ARHGEF7: variants seen among roughly 807,000 people sequenced by gnomAD.
ARHGEF7 encodes the protein Rho guanine nucleotide exchange factor 7, also known as PAK-interacting exchange factor beta.
A neutral mutation model predicts 109.8 loss-of-function variants in ARHGEF7; 33 were observed. That is an observed-to-expected ratio of 0.30 (90% confidence interval 0.23 to 0.40). The LOEUF (loss-of-function observed/expected upper bound fraction) is 0.40, where lower values mean the gene tolerates loss of function less well. Ranked by LOEUF, ARHGEF7 falls within the 10% of genes least tolerant of loss-of-function variation. The probability of loss-of-function intolerance (pLI) is 1.00; values close to 1 mark genes in which losing one functional copy is unlikely to be tolerated. For synonymous variants in ARHGEF7, 458 were observed against 424.6 expected (o/e 1.08, Z -0.97); for missense variants, 938 against 1,098.5 (o/e 0.85, Z 2.07).
rs924688701 is a variant in ARHGEF7 at position 111,217,747 on chromosome 13, G to A, written c.537G>A (p.Glu179=). ...AGTTTAACTTCCAGCAGACCAATGA[G>A]GACGAGCTTTCCTTCTCAAAAGGAG... ...RAKFNFQQTN[E]DELSFSKGDV... Residue 179 remains glutamate, a synonymous_variant, in exon 5 of 22, where the codon GAG becomes GAA. Coordinates refer to ENST00000646102, the MANE Select transcript of ARHGEF7 (RefSeq NM_001354046.2). 4 of 1,614,124 alleles carry A rather than the reference G, an allele frequency of 2.5e-6. No individual in the cohort carries two copies. Among genetic ancestry groups the A allele is most frequent in the Non-Finnish European group, 2.5e-6 (3 of 1,180,052 alleles).
intron 19 of ARHGEF7, 170 bp downstream of exon 19, chr13:111,292,464 T>C: frequency 6.9e-7 from 1 of 1,443,626 alleles, no homozygotes; most frequent in South Asian, 1.5e-5. Flanking sequence ...ATATTTCCCA[T>C]TGTACTTTGT....
intron 6 of ARHGEF7, among the ~76,000 whole-genome samples, chr13:111,236,380 T>G (rs182228154): frequency 5.9e-5 from 9 of 152,300 alleles, no homozygotes; most frequent in Non-Finnish European, 1.3e-4. Flanking sequence ...GTGTGTGTGG[T>G]CACACTTTCT....
At chr13:111,159,794 T>C (rs901055407) in intron 2 of ARHGEF7, among the ~76,000 whole-genome samples, 1 of 152,234 alleles carries the variant, frequency 6.6e-6, no homozygotes, top group African/African-American at 2.4e-5. Context: ...TTGCAAATAC[T>C]TTCTTTCCGT....
intron 2 of ARHGEF7, among the ~76,000 whole-genome samples, chr13:111,155,813 C>T (rs1448919125): frequency 3.3e-5 from 5 of 152,166 alleles, no homozygotes; most frequent in African/African-American, 4.8e-5. Flanking sequence ...TGGTGGCTCA[C>T]GCCTGTAATC....
intron 18 of ARHGEF7, 55 bp from the exon 19 acceptor site, chr13:111,292,063 G>T: frequency 4.7e-6 from 7 of 1,482,126 alleles, no homozygotes; most frequent in South Asian, 1.2e-5. Context: ...TCTTCCTGTC[G>T]TTCTCCTCCT....
intron 19 of ARHGEF7, chr13:111,293,539 G>A: frequency 1.0e-6 from 1 of 984,994 alleles, no homozygotes; most frequent in African/African-American, 1.7e-5. Flanking sequence ...CACTGAATGT[G>A]ACCTGTTGCA....
At chr13:111,174,640 T>G (rs750503150) in intron 2 of ARHGEF7, among the ~76,000 whole-genome samples, 2 of 152,226 alleles carry the variant, frequency 1.3e-5, no homozygotes, top group Non-Finnish European at 1.5e-5. Context: ...TTGTCTTGCC[T>G]TAGTTAAAGT....
chr13:111,265,096 C>T (rs1158160737), intron 8 of ARHGEF7, among the ~76,000 whole-genome samples: 5 of 136,916 alleles, frequency 3.7e-5, no homozygotes, highest in African/African-American at 1.4e-4. Flanking sequence ...TACACTCCAG[C>T]CTGGGTAACA....
chr13:111,147,997 G>A (rs574885925), intron 1 of ARHGEF7, among the ~76,000 whole-genome samples: 4 of 152,258 alleles, frequency 2.6e-5, no homozygotes, highest in Non-Finnish European at 2.9e-5. Context: ...GTGCCCAGCC[G>A]AGGTCACCTT....
intron 8 of ARHGEF7, among the ~76,000 whole-genome samples, chr13:111,253,488 T>A (rs1386666270): frequency 6.6e-6 from 1 of 151,040 alleles, no homozygotes; most frequent in Non-Finnish European, 1.5e-5. Flanking sequence ...GGTGACTCAG[T>A]GGTGTTGTAA....
chr13:111,283,188 C>A lies in ARHGEF7; in HGVS notation c.1775C>A (p.Pro592His). 1.3e-6 allele frequency: 2 copies of A among 1,597,534 alleles called. No homozygotes were observed. The highest frequency in any genetic ancestry group is 1.7e-6 in the Non-Finnish European group (2 of 1,173,190). ...TPSSKHADSK[P>H]APLTPAYHTL... The stretch of plus-strand genomic sequence containing the variant: ...TCCAGCAAGCACGCAGACAGCAAGC[C>A]CGCGCCGCTGACGCCCGCCTACCAC... Residue 592 changes from proline (P) to histidine (H), a missense_variant, in exon 16 of 22, where the codon CCC becomes CAC. Physicochemically the swap from Pro to His is moderately conservative, Grantham distance 77. This residue lies in a region of ARHGEF7 where 585 missense variants were observed against 723.6 expected (regional missense o/e 0.81). Coordinates refer to ENST00000646102, the MANE Select transcript of ARHGEF7 (RefSeq NM_001354046.2).
chr13:111,120,672 A>G (rs773003831), intron 1 of ARHGEF7, among the ~76,000 whole-genome samples: 8 of 152,180 alleles, frequency 5.3e-5, no homozygotes, highest in Non-Finnish European at 1.0e-4. Flanking sequence ...CTATTAATAG[A>G]AGTCACTCCA....
At chr13:111,203,855 C>T (rs944254678) in intron 2 of ARHGEF7, among the ~76,000 whole-genome samples, 2 of 152,164 alleles carry the variant, frequency 1.3e-5, no homozygotes, top group Non-Finnish European at 2.9e-5. Context: ...CTTCTCTTGG[C>T]GTGAGCTTCA....
At chr13:111,192,219 G>A (rs765618968) in intron 2 of ARHGEF7, among the ~76,000 whole-genome samples, 2 of 152,068 alleles carry the variant, frequency 1.3e-5, no homozygotes, top group Non-Finnish European at 2.9e-5. Context: ...TTTAACTCGG[G>A]TGTGGTGAAT....
chr13:111,178,761 C>T (rs1449171877), intron 2 of ARHGEF7, among the ~76,000 whole-genome samples: 2 of 152,160 alleles, frequency 1.3e-5, no homozygotes, highest in East Asian at 1.9e-4. Flanking sequence ...ATGGGCCAGC[C>T]CAGCTATGCT....
chr13:111,259,241 G>A (rs1038800622), intron 8 of ARHGEF7, among the ~76,000 whole-genome samples: 2 of 152,160 alleles, frequency 1.3e-5, no homozygotes, highest in Non-Finnish European at 2.9e-5. Flanking sequence ...GCAAACATAG[G>A]CAGTAGTTAG....
chr13:111,154,316 TGAAC>T (rs2076126583), intron 2 of ARHGEF7, among the ~76,000 whole-genome samples: 1 of 152,188 alleles, frequency 6.6e-6, no homozygotes, highest in Admixed American at 6.5e-5. Flanking sequence ...ATCAGGGGTG[TGAAC>T]CGATTTCTTG....
At chr13:111,222,088 G>C (rs12872481) in intron 5 of ARHGEF7, among the ~76,000 whole-genome samples, 15,437 of 152,112 alleles carry the variant, frequency 0.1, 1,021 homozygotes, top group Middle Eastern at 0.16. Flanking sequence ...GCCTTTCCCA[G>C]TTCACGGACT....
At chr13:111,122,244 G>A (rs564566570) in intron 1 of ARHGEF7, among the ~76,000 whole-genome samples, 4 of 152,266 alleles carry the variant, frequency 2.6e-5, no homozygotes, top group East Asian at 3.9e-4. Flanking sequence ...GGGCTGAGCG[G>A]GTGGACTCAG....
Sources: allele counts gnomAD v4.1 joint callset (sites outside exome capture counted in the v4.1 genomes callset), GRCh38; gene constraint gnomAD v4.1.1; regional missense constraint gnomAD v4.1.1; transcripts MANE v1.5; gene names NCBI Gene and HGNC (gene_info 2026-07-23, HGNC 2026-07-21).